The following OR52B4 variants were observed in gnomAD, a reference collection of about 807,000 sequenced individuals.
The protein encoded by OR52B4 is olfactory receptor 52B4.
For synonymous variants in OR52B4, 182 were observed against 142.3 expected (o/e 1.28, Z -1.98); for missense variants, 450 against 387.0 (o/e 1.16, Z -1.36).
rs1244637801 is a variant in OR52B4, at chr11:4,367,549, G to A, written c.747C>T (p.Ile249=). 8 of 1,614,034 alleles carry A rather than the reference G, an allele frequency of 5.0e-6. No homozygotes were observed. Among genetic ancestry groups the A allele is most frequent in the Non-Finnish European group, 6.8e-6 (8 of 1,179,926 alleles). ...ALNTFGSHVC[I]IILFYGSGIF... Reference sequence around the variant, plus strand: ...TGCCAGACCCATAAAAGAGGATGATGATGCAGACATGGGAGCCAAATGTGT... The same window carrying A: ...TGCCAGACCCATAAAAGAGGATGATAATGCAGACATGGGAGCCAAATGTGT... The change falls in exon 1 of 1, where the codon ATC becomes ATT. Residue 249 remains isoleucine, a synonymous_variant. Coordinates refer to ENST00000624801, the MANE Select transcript of OR52B4 (RefSeq NM_001005161.3).
rs200111767 is a variant in OR52B4, at chr11:4,367,441, A to G, written c.855T>C (p.Ala285=). The change falls in exon 1 of 1, where the codon GCT becomes GCC. Residue 285 remains alanine (A), a synonymous_variant. Coordinates refer to ENST00000624801, the MANE Select transcript of OR52B4 (RefSeq NM_001005161.3). The part of the protein sequence containing the change: ...HIPLANVCIL[A]PPMLNPIIYG... ...AAATAATGGGATTCAGCATAGGTGG[A>G]GCCAGAATGCAGACATTAGCCAACG... is the stretch of plus-strand genomic sequence containing the variant. 372 of 1,613,896 alleles carry G rather than the reference A, an allele frequency of 2.3e-4. 2 individuals carry two copies. The African/African-American group carries it at 4.5e-3, about 19-fold the overall frequency.
rs774700333 is a variant in OR52B4 at position 4,368,158 on chromosome 11, C to G, written c.138G>C (p.Leu46=). 9 of 1,603,116 alleles carry G rather than the reference C, an allele frequency of 5.6e-6. No individual in the cohort carries two copies. The highest frequency in any genetic ancestry group is 7.7e-6 in the Non-Finnish European group (9 of 1,175,130). The change falls in exon 1 of 1, where the codon CTG becomes CTC. Residue 46 remains leucine, a synonymous_variant. Coordinates refer to ENST00000624801, the MANE Select transcript of OR52B4 (RefSeq NM_001005161.3). ...SYVTALLGNS[L]LIFIILTKRS... ...GCTTTGTGAGGATAATGAAGATGAG[C>G]AGGCTGTTCCCAAGAAGGGCGGTGA...
rs201717807 is a variant in OR52B4 at position 4,367,465 on chromosome 11, C to T, written c.831G>A (p.Pro277=). Residue 277 remains proline, a synonymous_variant, in exon 1 of 1, where the codon CCG becomes CCA. Transcript: ENST00000624801. The part of the protein sequence containing the change: ...GRHIPPCIHI[P]LANVCILAPP... ...GAGCCAGAATGCAGACATTAGCCAA[C>T]GGGATGTGGATACAAGGTGGAATGT... 99 of 1,613,820 alleles carry T rather than the reference C, an allele frequency of 6.1e-5. No homozygotes were observed. Among genetic ancestry groups the T allele is most frequent in the Non-Finnish European group, 7.6e-5 (90 of 1,179,820 alleles).
chr11:4,367,876 A>G lies in OR52B4; in HGVS notation c.420T>C (p.Asn140=). The G allele has an allele frequency of 6.2e-7, 1 of 1,614,074 alleles. No homozygotes were observed. Among genetic ancestry groups the G allele is most frequent in the South Asian group, 1.1e-5 (1 of 91,082 alleles). The change falls in exon 1 of 1, where the codon AAT becomes AAC. Residue 140 remains asparagine (N), a synonymous_variant. Transcript: ENST00000624801. ...TCACACAAATTTTCTTGATCAGAGC[A>G]TTTGTAAGAATGGTGGTGTACCTCA... ...YPLRYTTILT[N]ALIKKICVTV...
rs745925244 is a variant in OR52B4 at position 4,368,026 on chromosome 11, A to G, written c.270T>C (p.Arg90=). The G allele has an allele frequency of 1.5e-5, 24 of 1,613,960 alleles. No homozygotes were observed. In the African/African-American group the frequency reaches 1.9e-4, roughly 13 times the overall value. The change falls in exon 1 of 1, where the codon CGT becomes CGC. Residue 90 remains arginine, a synonymous_variant. Transcript: ENST00000624801. ...AACGATCCAGGGAGATGTCCCCAGC[A>G]CGGAACCAGAAGATAGCTAAGGCCT... ...IPQALAIFWF[R]AGDISLDRCI... is the part of the protein sequence containing the mutation.
chr11:4,367,705 G>C lies in OR52B4; in HGVS notation c.591C>G (p.Asn197Lys), dbSNP rs2094936359. Residue 197 changes from asparagine (N) to lysine (K), a missense_variant, in exon 1 of 1, where the codon AAC becomes AAG. Physicochemically the swap from Asn to Lys is moderately conservative, Grantham distance 94. Coordinates refer to ENST00000624801, the MANE Select transcript of OR52B4 (RefSeq NM_001005161.3). Reference protein sequence around the residue: ...AKYACNDIRINIWYGFSILMS... With the variant: ...AKYACNDIRIKIWYGFSILMS... Reference sequence around the variant, plus strand: ...TTAGAATGGAAAACCCATACCAAATGTTTATTCGAATGTCATTACATGCAT... The same window carrying C: ...TTAGAATGGAAAACCCATACCAAATCTTTATTCGAATGTCATTACATGCAT... 5 of 1,613,550 alleles carry C rather than the reference G, an allele frequency of 3.1e-6. No individual in the cohort carries two copies. The highest frequency in any genetic ancestry group is 4.2e-6 in the Non-Finnish European group (5 of 1,179,674).
At position 4,367,762 on chromosome 11, in the gene OR52B4, G is replaced by A; in HGVS notation, c.534C>T (p.His178=). 2 of 1,613,862 alleles carry A rather than the reference G, an allele frequency of 1.2e-6. No homozygotes were observed. Among genetic ancestry groups the A allele is most frequent in the South Asian group, 1.1e-5 (1 of 91,076 alleles). ...LTFCQNNIIP[H]TFCEHIGLAK... Reference sequence around the variant, plus strand: ...CTAGGCCAATGTGTTCACAAAAGGTGTGTGGAATAATATTATTCTGGCAGA... The same window carrying A: ...CTAGGCCAATGTGTTCACAAAAGGTATGTGGAATAATATTATTCTGGCAGA... The change falls in exon 1 of 1, where the codon CAC becomes CAT. Residue 178 remains histidine, a synonymous_variant. Transcript: ENST00000624801.
chr11:4,368,347 G>T lies in OR52B4; in HGVS notation c.-52C>A. ...CCTCCTACTCACAGAGGTAGAAGAA[G>T]ATAAAATCTGCAACATTCTTTGCGA... On this transcript the variant is annotated 5_prime_UTR_variant, in exon 1 of 1. Transcript: ENST00000624801. 2 of 955,850 alleles carry T rather than the reference G, an allele frequency of 2.1e-6. No individual in the cohort carries two copies. Among genetic ancestry groups the T allele is most frequent in the East Asian group, 2.5e-5 (1 of 40,340 alleles). The allele number at this position is 955,850 out of a possible 1,614,324, so 59.2% of individuals were successfully genotyped here.
chr11:4,367,594 A>T lies in OR52B4; in HGVS notation c.702T>A (p.Asp234Glu), dbSNP rs749310900. The change falls in exon 1 of 1, where the codon GAT becomes GAA. Residue 234 changes from aspartate to glutamate, a missense_variant. Asp to Glu is a conservative substitution (Grantham distance 45). Transcript: ENST00000624801. ...ATGTGTTGAGAGCTTTGTGGCAAGC[A>T]TCTGGAGAAGGCATGTGGAAGACAG... The part of the protein sequence containing the change: ...LHAVFHMPSP[D>E]ACHKALNTFG... 7.4e-6 allele frequency: 12 copies of T among 1,614,100 alleles called. No individual in the cohort carries two copies. The highest frequency in any genetic ancestry group is 3.3e-5 in the Admixed American group (2 of 59,994).
In OR52B4 at chr11:4,367,336, G is replaced by A. The variant is rs767832026; in HGVS notation, c.*15C>T. 1.3e-6 allele frequency: 2 copies of A among 1,557,052 alleles called. No homozygotes were observed. The highest frequency in any genetic ancestry group is 2.7e-5 in the African/African-American group (2 of 73,412). Reference sequence around the variant, plus strand: ...GATAGCTAGAGATTCTGAAAACTCAGTTCTTAAACCAAAGTTATTTCTGTT... The same window carrying A: ...GATAGCTAGAGATTCTGAAAACTCAATTCTTAAACCAAAGTTATTTCTGTT... On this transcript the variant is annotated 3_prime_UTR_variant, in exon 1 of 1. Transcript: ENST00000624801.
chr11:4,367,489 G>A lies in OR52B4; in HGVS notation c.807C>T (p.His269=). The A allele has an allele frequency of 1.2e-6, 2 of 1,614,014 alleles. No homozygotes were observed. Among genetic ancestry groups the A allele is most frequent in the Non-Finnish European group, 1.7e-6 (2 of 1,179,908 alleles). Residue 269 remains histidine (H), a synonymous_variant, in exon 1 of 1, where the codon CAC becomes CAT. Coordinates refer to ENST00000624801, the MANE Select transcript of OR52B4 (RefSeq NM_001005161.3). ...ACGGGATGTGGATACAAGGTGGAATGTGGCGTCCAAACCTCTGGGTAAGGA... is the reference window on the plus strand; with the variant it reads ...ACGGGATGTGGATACAAGGTGGAATATGGCGTCCAAACCTCTGGGTAAGGA... ...FTILTQRFGR[H]IPPCIHIPLA...
rs762662994 is a variant in OR52B4, at chr11:4,367,962, AGATGAAGGTGGAATG to A, written c.319_333del (p.His107_Ile111del). On this transcript the variant is annotated inframe_deletion, in exon 1 of 1. Coordinates refer to ENST00000624801, the MANE Select transcript of OR52B4 (RefSeq NM_001005161.3). ...ATCACCAGCAAGATCCCTGACTCAG[AGATGAAGGTGGAATG>A]GATGAAGAAGAGCTGAGTGATGCAA... The A allele has an allele frequency of 9.9e-6, 16 of 1,613,746 alleles. No homozygotes were observed. In the African/African-American group the frequency reaches 2.0e-4, roughly 20 times the overall value.
chr11:4,367,312 A>T lies in OR52B4; in HGVS notation c.*39T>A. ...TACCACTTTCATACCCACTTACCAG[A>T]TAGCTAGAGATTCTGAAAACTCAGT... On this transcript the variant is annotated 3_prime_UTR_variant, in exon 1 of 1. Transcript: ENST00000624801. 1 of 1,333,150 alleles carries T rather than the reference A, an allele frequency of 7.5e-7. No individual in the cohort carries two copies. The highest frequency in any genetic ancestry group is 1.3e-5 in the South Asian group (1 of 76,828). The allele number at this position is 1,333,150 out of a possible 1,614,324, so 82.6% of individuals were successfully genotyped here.
Position 4,368,339 on chromosome 11 carries a change from TAGAAG to T in OR52B4, c.-49_-45del, listed in dbSNP as rs779300733. 2.0e-6 allele frequency: 2 copies of T among 1,025,092 alleles called. No homozygotes were observed. The highest frequency in any genetic ancestry group is 2.9e-6 in the Non-Finnish European group (2 of 681,840). The allele number at this position is 1,025,092 out of a possible 1,614,324, so 63.5% of individuals were successfully genotyped here. On this transcript the variant is annotated 5_prime_UTR_variant, in exon 1 of 1. It introduces an in-frame stop codon into an upstream open reading frame of the 5' UTR. Coordinates refer to ENST00000624801, the MANE Select transcript of OR52B4 (RefSeq NM_001005161.3). ...GAACCTCACCTCCTACTCACAGAGG[TAGAAG>T]AAGATAAAATCTGCAACATTCTTTG...
chr11:4,367,351 T>G lies in OR52B4; in HGVS notation c.945A>C (p.Ter315TyrextTer6). The change falls in exon 1 of 1, where the codon TAA becomes TAC. Residue 315 changes from the stop codon to tyrosine, a stop_lost. Transcript: ENST00000624801. ...VVQFLFIKQK[*>Y] ...TGAAAACTCAGTTCTTAAACCAAAG[T>G]TATTTCTGTTTTATAAACAAAAACT... The G allele has an allele frequency of 6.3e-7, 1 of 1,592,856 alleles. No individual in the cohort carries two copies.
Position 4,367,561 on chromosome 11 carries a change from G to T in OR52B4, c.735C>A (p.Ser245=). The T allele has an allele frequency of 2.5e-6, 4 of 1,613,992 alleles. No individual in the cohort carries two copies. Among genetic ancestry groups the T allele is most frequent in the Non-Finnish European group, 3.4e-6 (4 of 1,179,914 alleles). The part of the protein sequence containing the change: ...ACHKALNTFG[S]HVCIIILFYG... ...AAAAGAGGATGATGATGCAGACATG[G>T]GAGCCAAATGTGTTGAGAGCTTTGT... The change falls in exon 1 of 1, where the codon TCC becomes TCA. Residue 245 remains serine, a synonymous_variant. Transcript: ENST00000624801.
chr11:4,368,155 G>A lies in OR52B4; in HGVS notation c.141C>T (p.Leu47=). The A allele has an allele frequency of 6.2e-7, 1 of 1,607,470 alleles. No individual in the cohort carries two copies. The highest frequency in any genetic ancestry group is 2.2e-5 in the East Asian group (1 of 44,486). Reference sequence around the variant, plus strand: ...TGCGCTTTGTGAGGATAATGAAGATGAGCAGGCTGTTCCCAAGAAGGGCGG... The same window carrying A: ...TGCGCTTTGTGAGGATAATGAAGATAAGCAGGCTGTTCCCAAGAAGGGCGG... ...YVTALLGNSL[L]IFIILTKRSL... is the part of the protein sequence containing the mutation. The change falls in exon 1 of 1, where the codon CTC becomes CTT. Residue 47 remains leucine, a synonymous_variant. Transcript: ENST00000624801.
chr11:4,367,751 T>C lies in OR52B4; in HGVS notation c.545A>G (p.Glu182Gly), dbSNP rs369954760. 1.2e-6 allele frequency: 2 copies of C among 1,613,972 alleles called. No individual in the cohort carries two copies. The highest frequency in any genetic ancestry group is 1.1e-5 in the South Asian group (1 of 91,084). The change falls in exon 1 of 1, where the codon GAA becomes GGA. Residue 182 changes from glutamate (E) to glycine (G), a missense_variant. Transcript: ENST00000624801. ...TGCATATTTGGCTAGGCCAATGTGT[T>C]CACAAAAGGTGTGTGGAATAATATT... ...QNNIIPHTFC[E>G]HIGLAKYACN... is the part of the protein sequence containing the mutation.
rs1481952727 is a variant in OR52B4 at position 4,367,999 on chromosome 11, G to A, written c.297C>T (p.Cys99=). The part of the protein sequence containing the change: ...FRAGDISLDR[C]ITQLFFIHST... ...AATGGATGAAGAAGAGCTGAGTGAT[G>A]CAACGATCCAGGGAGATGTCCCCAG... Residue 99 remains cysteine, a synonymous_variant, in exon 1 of 1, where the codon TGC becomes TGT. Transcript: ENST00000624801. The A allele has an allele frequency of 6.2e-7, 1 of 1,614,026 alleles. No individual in the cohort carries two copies.
Sources: gnomAD v4.1 joint callset for allele counts on GRCh38, gnomAD v4.1.1 for gene constraint, MANE v1.5 for transcripts, NCBI Gene and HGNC (gene_info 2026-07-23, HGNC 2026-07-21) for gene names.